The following INSC variants were observed in gnomAD, a reference collection of about 807,000 sequenced individuals.
The protein encoded by INSC is protein inscuteable homolog.
A neutral mutation model predicts 58.6 loss-of-function variants in INSC; 67 were observed. The observed-to-expected ratio is 1.14, with a 90% CI of 0.94 to 1.40. The LOEUF (loss-of-function observed/expected upper bound fraction) is 1.40. Among genes scored for constraint, INSC ranks in the 40% most tolerant of loss-of-function variants. The pLI, the probability that INSC is intolerant of heterozygous loss-of-function variation, is 0.00. For missense variants in INSC, 714 were observed against 692.0 expected, an observed-to-expected ratio of 1.03 and a Z score of -0.36; for synonymous variants, 262 against 276.1, an observed-to-expected ratio of 0.95 and a Z score of 0.51.
rs187825804 is a variant in INSC, at chr11:15,232,288, T to C, written c.1171-3314T>C. On this transcript the variant is annotated intron_variant, in intron 9 of 12. Transcript: ENST00000379556. ...TGCTGCAGGTTACTTGGCTAGTGTTTCTTGACACAGTCTTTCAAGGCTTGA... is the reference window on the plus strand; with the variant it reads ...TGCTGCAGGTTACTTGGCTAGTGTTCCTTGACACAGTCTTTCAAGGCTTGA... Among the ~76,000 whole-genome samples, 387 of 152,328 alleles carry C rather than the reference T, an allele frequency of 2.5e-3. 3 individuals are homozygous for C. Among genetic ancestry groups the C allele is most frequent in the African/African-American group, 8.5e-3 (353 of 41,562 alleles).
intron 1 of INSC, among the ~76,000 whole-genome samples, chr11:15,140,923 T>C (rs1004561170): frequency 6.6e-6 from 1 of 152,136 alleles, no homozygotes; most frequent in African/African-American, 2.4e-5. Flanking sequence ...ATTGTCCATG[T>C]TAACCCGTCT....
chr11:15,228,544 T>C (rs1851728111), intron 9 of INSC, among the ~76,000 whole-genome samples: 1 of 152,200 alleles, frequency 6.6e-6, no homozygotes, highest in Non-Finnish European at 1.5e-5. Flanking sequence ...AATGGCTCTT[T>C]CCTGTTGCAG....
chr11:15,113,884 T>C (rs886739756), upstream of INSC, among the ~76,000 whole-genome samples: 1 of 152,076 alleles, frequency 6.6e-6, no homozygotes, highest in African/African-American at 2.4e-5. Context: ...CTCGGCGTGG[T>C]CGTTTTGTCA....
At chr11:15,220,903 T>C (rs1851412007) in intron 7 of INSC, among the ~76,000 whole-genome samples, 1 of 152,156 alleles carries the variant, frequency 6.6e-6, no homozygotes, top group African/African-American at 2.4e-5. Flanking sequence ...TAGTGGAGAA[T>C]GGTGGAGGAC....
At chr11:15,195,168 T>G (rs1850323305) in intron 6 of INSC, among the ~76,000 whole-genome samples, 1 of 152,230 alleles carries the variant, frequency 6.6e-6, no homozygotes, top group Non-Finnish European at 1.5e-5. Flanking sequence ...TCAAGAGGGC[T>G]GACTGGAGAT....
intron 9 of INSC, among the ~76,000 whole-genome samples, chr11:15,229,914 ATAT>A (rs1304178334): frequency 1.7e-5 from 2 of 115,270 alleles, no homozygotes; most frequent in Non-Finnish European, 3.5e-5. Context: ...TTTTATATAT[ATAT>A]AAATTTTTTA....
intron 1 of INSC, among the ~76,000 whole-genome samples, chr11:15,141,345 T>C (rs960784120): frequency 1.3e-5 from 2 of 152,180 alleles, no homozygotes; most frequent in Non-Finnish European, 2.9e-5. Flanking sequence ...GTTGAAACTA[T>C]TTTGGCTCCA....
intron 10 of INSC, among the ~76,000 whole-genome samples, chr11:15,238,178 G>A (rs181094503): frequency 1.5e-3 from 223 of 152,176 alleles, no homozygotes; most frequent in African/African-American, 5.1e-3. Context: ...AGGTATGAGC[G>A]GACATGGGTA....
chr11:15,249,536 G>T (rs1852627079), downstream of INSC, among the ~76,000 whole-genome samples: 1 of 152,158 alleles, frequency 6.6e-6, no homozygotes, highest in Non-Finnish European at 1.5e-5. Context: ...GATATTCAGG[G>T]AACTACCTGT....
intron 7 of INSC, among the ~76,000 whole-genome samples, chr11:15,208,277 C>T (rs192196489): frequency 2.0e-5 from 3 of 152,312 alleles, no homozygotes; most frequent in East Asian, 1.9e-4. Context: ...CCTCACACCC[C>T]CAAACACTAG....
chr11:15,123,724 G>A (rs1847926045), intron 1 of INSC, among the ~76,000 whole-genome samples: 1 of 152,288 alleles, frequency 6.6e-6, no homozygotes, highest in South Asian at 2.1e-4. Context: ...CCTGAGCTGT[G>A]GCTTCTCTAT....
At chr11:15,257,981 C>T in the INSC span, among the ~76,000 whole-genome samples, 1 of 152,106 alleles carries the variant, frequency 6.6e-6, no homozygotes, top group East Asian at 1.9e-4. Flanking sequence ...AAGACAATGT[C>T]TACCCCTGGA....
rs1852017109 is a variant in INSC at position 15,233,775 on chromosome 11, GTGTTTT to G, written c.1171-1825_1171-1820del. 2.0e-5 allele frequency among the ~76,000 whole-genome samples: 3 copies of G among 151,846 alleles called. No homozygotes were observed. In the South Asian group the frequency reaches 6.3e-4, roughly 32 times the overall value. On this transcript the variant is annotated intron_variant, in intron 9 of 12. Coordinates refer to ENST00000379556, the MANE Select transcript of INSC (RefSeq NM_001042536.3). Reference sequence around the variant, plus strand: ...CTCCATGAATCTGCATGTCAAGTAAGTGTTTTTATTCAGAAAGGCCAGCCTGGTGAT... The same window carrying G: ...CTCCATGAATCTGCATGTCAAGTAAGTATTCAGAAAGGCCAGCCTGGTGAT...
In INSC at chr11:15,190,871, A is replaced by T. The variant is rs560594624; in HGVS notation, c.693+57A>T. On this transcript the variant is annotated intron_variant, in intron 6 of 12. Transcript: ENST00000379556. ...GGCCTGGGGAAGTATGAGGAAGCTC[A>T]CTTGTTCAATGGGAATAGCTGGCTC... is the stretch of plus-strand genomic sequence containing the variant. The T allele has an allele frequency of 3.8e-5, 46 of 1,196,988 alleles. No individual in the cohort carries two copies. The East Asian group carries it at 1.0e-3, about 27-fold the overall frequency. The allele number at this position is 1,196,988 out of a possible 1,614,324, so 74.1% of individuals were successfully genotyped here. A position where few individuals can be genotyped will look rare whatever the true frequency, so the allele number is the denominator to read the frequency against.
chr11:15,238,134 C>G (rs1852201803), intron 10 of INSC, among the ~76,000 whole-genome samples: 1 of 151,930 alleles, frequency 6.6e-6, no homozygotes, highest in Non-Finnish European at 1.5e-5. Flanking sequence ...AAAATGGCAT[C>G]CCTTGTAGAA....
chr11:15,239,120 G>A, intron 11 of INSC, 46 bp downstream of exon 11: 1 of 1,576,558 alleles, frequency 6.3e-7, no homozygotes, highest in Non-Finnish European at 8.6e-7. Context: ...TGGGGGTATT[G>A]GGGGTGGGAG....
At chr11:15,191,990 G>A (rs1277650804) in intron 6 of INSC, among the ~76,000 whole-genome samples, 1 of 152,234 alleles carries the variant, frequency 6.6e-6, no homozygotes, top group Non-Finnish European at 1.5e-5. Flanking sequence ...ACAGGAGGCT[G>A]TACAATTCTC....
intron 1 of INSC, among the ~76,000 whole-genome samples, chr11:15,115,706 G>T (rs1590319027): frequency 6.6e-6 from 1 of 152,122 alleles, no homozygotes; most frequent in African/African-American, 2.4e-5. Flanking sequence ...ACAAACACTC[G>T]CAGTGCACCC....
At chr11:15,119,740 C>T (rs1847822290) in intron 1 of INSC, among the ~76,000 whole-genome samples, 1 of 152,186 alleles carries the variant, frequency 6.6e-6, no homozygotes, top group Non-Finnish European at 1.5e-5. Context: ...GGCCATCTCA[C>T]TTCTTTTGAT....
Sources: gnomAD v4.1 joint callset for allele counts (sites outside exome capture counted in the v4.1 genomes callset) on GRCh38, gnomAD v4.1.1 for gene constraint, MANE v1.5 for transcripts, NCBI Gene and HGNC (gene_info 2026-07-23, HGNC 2026-07-21) for gene names.